GMFG: variants seen among roughly 807,000 people sequenced by gnomAD.
The protein encoded by GMFG is glia maturation factor gamma.
Under a neutral mutation model 26.1 loss-of-function variants are expected in GMFG, and 21 were observed. The ratio of observed to expected loss-of-function variants is 0.80; its 90% CI spans 0.57 to 1.16. The LOEUF is 1.16. Among genes scored for constraint, GMFG ranks in the 50% most tolerant of loss-of-function variants. The pLI, the probability that GMFG is intolerant of heterozygous loss-of-function variation, is 0.00. For missense variants in GMFG, 161 were observed against 178.3 expected (o/e 0.90, Z 0.55); for synonymous variants, 65 against 60.8 (o/e 1.07, Z -0.32).
At position 39,335,508 on chromosome 19, in the gene GMFG, C is replaced by G; in HGVS notation, c.27G>C (p.Glu9Asp). The change falls in exon 2 of 7, where the codon GAG becomes GAC. Residue 9 changes from glutamate (E) to aspartate (D), a missense_variant. Physicochemically the swap from Glu to Asp is conservative, Grantham distance 45. Coordinates refer to ENST00000597595, the MANE Select transcript of GMFG (RefSeq NM_004877.4). Reference sequence around the variant, plus strand: ...GCTTTTCTGTTAGCTCTGGGTCTACCTCGCACACCACCAGGGAGTCAGACT... The same window carrying G: ...GCTTTTCTGTTAGCTCTGGGTCTACGTCGCACACCACCAGGGAGTCAGACT... Reference protein sequence around the residue: MSDSLVVCEVDPELTEKLR... With the variant: MSDSLVVCDVDPELTEKLR... The G allele has an allele frequency of 6.2e-7, 1 of 1,613,724 alleles. No homozygotes were observed. Among genetic ancestry groups the G allele is most frequent in the South Asian group, 1.1e-5 (1 of 91,080 alleles).
chr19:39,333,204 G>A, intron 3 of GMFG, 78 bp from the exon 4 acceptor site: 2 of 771,714 alleles, frequency 2.6e-6, no homozygotes, highest in Non-Finnish European at 4.2e-6. Flanking sequence ...CAGCACTTTG[G>A]GAGGCCGAGG....
intron 2 of GMFG, 62 bp downstream of exon 2, chr19:39,335,373 G>A (rs2075244906): frequency 6.3e-7 from 1 of 1,588,782 alleles, no homozygotes; most frequent in Admixed American, 1.7e-5. Flanking sequence ...CACAAGCCCA[G>A]CCCTCCCTAT....
chr19:39,328,944 A>G (rs1331608628), intron 6 of GMFG, 56 bp downstream of exon 6: 1 of 1,243,858 alleles, frequency 8.0e-7, no homozygotes, highest in East Asian at 2.3e-5. Context: ...CTTCCCTCAG[A>G]CCCAGGACCC....
chr19:39,333,798 T>C (rs562611202), intron 3 of GMFG, among the ~76,000 whole-genome samples: 6 of 151,996 alleles, frequency 3.9e-5, no homozygotes, highest in East Asian at 1.9e-4. Flanking sequence ...AGCAGCAGAG[T>C]TGAGATTTGA....
chr19:39,335,490 T>C lies in GMFG; in HGVS notation c.45A>G (p.Thr15=), dbSNP rs779450564. The part of the protein sequence containing the change: ...LVVCEVDPEL[T]EKLRKFRFRK... ...GGAAGCGGAATTTCCTCAGCTTTTC[T>C]GTTAGCTCTGGGTCTACCTCGCACA... The change falls in exon 2 of 7, where the codon ACA becomes ACG. Residue 15 remains threonine (T), a synonymous_variant. Coordinates refer to ENST00000597595, the MANE Select transcript of GMFG (RefSeq NM_004877.4). The C allele has an allele frequency of 1.9e-6, 3 of 1,614,062 alleles. No individual in the cohort carries two copies. Among genetic ancestry groups the C allele is most frequent in the Non-Finnish European group, 2.5e-6 (3 of 1,179,896 alleles).
At chr19:39,333,036 C>A (rs768089333) in intron 4 of GMFG, 41 bp downstream of exon 4, 26 of 1,408,736 alleles carry the variant, frequency 1.8e-5, no homozygotes, top group Non-Finnish European at 2.6e-5. Context: ...CATCACCCCT[C>A]CCCTCATGGC....
intron 6 of GMFG, chr19:39,328,792 T>A (rs780542982): frequency 6.5e-6 from 4 of 613,672 alleles, no homozygotes; most frequent in Non-Finnish European, 1.2e-5. Flanking sequence ...GCAGGAGAAT[T>A]GCTTGAACCC....
chr19:39,328,937 C>G, intron 6 of GMFG, 63 bp downstream of exon 6: 1 of 1,155,426 alleles, frequency 8.7e-7, no homozygotes, highest in Non-Finnish European at 1.3e-6. Context: ...AGTCCCTCTT[C>G]CCTCAGACCC....
chr19:39,333,991 C>T (rs1365840676), intron 3 of GMFG, among the ~76,000 whole-genome samples: 35 of 128,972 alleles, frequency 2.7e-4, no homozygotes, highest in African/African-American at 7.2e-4. Context: ...GGTCTACCCC[C>T]TTTTTTTTTT....
chr19:39,335,234 C>A (rs545801689), intron 3 of GMFG, 27 bp downstream of exon 3: 2 of 1,531,954 alleles, frequency 1.3e-6, no homozygotes, highest in South Asian at 2.5e-5. Flanking sequence ...CCTGTACCTC[C>A]CAGTCCCAAT....
At chr19:39,334,710 G>A (rs1045121560) in intron 3 of GMFG, among the ~76,000 whole-genome samples, 7 of 152,114 alleles carry the variant, frequency 4.6e-5, no homozygotes, top group Admixed American at 6.5e-5. Flanking sequence ...TTAAATCACT[G>A]GATGTAAAAA....
At chr19:39,331,864 C>A (rs2075227611) in intron 4 of GMFG, among the ~76,000 whole-genome samples, 1 of 151,924 alleles carries the variant, frequency 6.6e-6, no homozygotes, top group Non-Finnish European at 1.5e-5. Flanking sequence ...AGGAAAATTT[C>A]TTTTTTTGTT....
chr19:39,330,623 G>A (rs996777253), intron 4 of GMFG, among the ~76,000 whole-genome samples: 1 of 149,594 alleles, frequency 6.7e-6, no homozygotes, highest in Non-Finnish European at 1.5e-5. Flanking sequence ...TTGAGACAGG[G>A]TCTCACTTTG....
At chr19:39,335,364 A>G (rs2075244822) in intron 2 of GMFG, 54 bp from the exon 3 acceptor site, 8 of 1,585,962 alleles carry the variant, frequency 5.0e-6, no homozygotes, top group East Asian at 2.2e-5. Flanking sequence ...CATGGGGGAC[A>G]CAAGCCCAGC....
intron 1 of GMFG, 152 bp from the exon 2 acceptor site, chr19:39,335,683 A>C (rs1484786672): frequency 7.5e-6 from 5 of 666,052 alleles, no homozygotes; most frequent in African/African-American, 3.6e-5. Context: ...CTTCCCACAG[A>C]GTAGATACCC....
At chr19:39,328,574 A>G (rs1568332510) in intron 6 of GMFG, 26 bp from the exon 7 acceptor site, 5 of 1,564,294 alleles carry the variant, frequency 3.2e-6, no homozygotes, top group Non-Finnish European at 4.4e-6. Flanking sequence ...TCTCGGCATT[A>G]TGATCTACTC....
chr19:39,335,514 C>T lies in GMFG; in HGVS notation c.21G>A (p.Val7=), dbSNP rs2075245928. 4 of 1,613,496 alleles carry T rather than the reference C, an allele frequency of 2.5e-6. No individual in the cohort carries two copies. Among genetic ancestry groups the T allele is most frequent in the Non-Finnish European group, 3.4e-6 (4 of 1,179,398 alleles). The change falls in exon 2 of 7, where the codon GTG becomes GTA. Residue 7 remains valine, a synonymous_variant. Coordinates refer to ENST00000597595, the MANE Select transcript of GMFG (RefSeq NM_004877.4). MSDSLV[V]CEVDPELTEK... is the part of the protein sequence containing the mutation. ...CTGTTAGCTCTGGGTCTACCTCGCA[C>T]ACCACCAGGGAGTCAGACTGCCGGA... is the stretch of plus-strand genomic sequence containing the variant.
At chr19:39,334,567 T>C (rs2075241289) in intron 3 of GMFG, among the ~76,000 whole-genome samples, 1 of 151,854 alleles carries the variant, frequency 6.6e-6, no homozygotes. Context: ...CATGCCTGGC[T>C]AGCTTTTTAA....
At chr19:39,334,012 G>A (rs1384630676) in intron 3 of GMFG, among the ~76,000 whole-genome samples, 2 of 144,116 alleles carry the variant, frequency 1.4e-5, no homozygotes, top group Non-Finnish European at 3.0e-5. Flanking sequence ...TTGTAGAGAT[G>A]GAGTCTTTTT....
Sources: allele counts gnomAD v4.1 joint callset (sites outside exome capture counted in the v4.1 genomes callset), GRCh38; gene constraint gnomAD v4.1.1; transcripts MANE v1.5; gene names NCBI Gene and HGNC (gene_info 2026-07-23, HGNC 2026-07-21).